SOX13: variants seen among roughly 807,000 people sequenced by gnomAD.
The protein encoded by SOX13 is SRY-box transcription factor 13.
Under a neutral mutation model 71.8 loss-of-function variants are expected in SOX13, and 28 were observed. That is an observed-to-expected ratio of 0.39 (90% CI 0.29 to 0.53). The LOEUF is 0.53. Ranked by LOEUF, SOX13 falls within the 20% of genes least tolerant of loss-of-function variation. The probability of loss-of-function intolerance (pLI) is 0.70; values close to 1 mark genes in which losing one functional copy is unlikely to be tolerated. For synonymous variants in SOX13, 309 were observed against 317.8 expected, an observed-to-expected ratio of 0.97 and a Z score of 0.29; for missense variants, 627 against 810.3, an observed-to-expected ratio of 0.77 and a Z score of 2.75.
At chr1:204,113,218 A>G (rs1656623756) in intron 2 of SOX13, 84 bp downstream of exon 2, 14 of 1,086,182 alleles carry the variant, frequency 1.3e-5, no homozygotes, top group Non-Finnish European at 1.7e-5. Context: ...CCACTCCCCT[A>G]GATGGCAGCA....
Position 204,121,925 on chromosome 1 carries a change from C to G in SOX13, c.801C>G (p.His267Gln), listed in dbSNP as rs756093114. The stretch of plus-strand genomic sequence containing the variant: ...TGGAGTATCCGCTGCAGCTGCTGCA[C>G]AGCCCCCCTGCCCCAGTGGTGAAGA... ...KPVEYPLQLLHSPPAPVVKRP... is the reference protein window; with the variant it reads ...KPVEYPLQLLQSPPAPVVKRP... Residue 267 changes from histidine to glutamine, a missense_variant, in exon 8 of 14, where the codon CAC (histidine) becomes CAG (glutamine). His to Gln is a conservative substitution (Grantham distance 24, BLOSUM62 0). Coordinates refer to ENST00000367204, the MANE Select transcript of SOX13 (RefSeq NM_005686.3). The G allele has an allele frequency of 2.8e-5, 45 of 1,612,686 alleles. No homozygotes were observed. The highest frequency in any genetic ancestry group is 2.6e-4 in the South Asian group (24 of 91,020).
At chr1:204,104,309 C>A (rs74458057) in intron 1 of SOX13, among the ~76,000 whole-genome samples, 2,492 of 152,280 alleles carry the variant, frequency 0.016, 65 homozygotes, top group African/African-American at 0.055. Flanking sequence ...GGATCTGATA[C>A]CCCCCAGGGC....
At chr1:204,093,235 G>A (rs1053245513) in intron 1 of SOX13, among the ~76,000 whole-genome samples, 1 of 152,150 alleles carries the variant, frequency 6.6e-6, no homozygotes, top group Non-Finnish European at 1.5e-5. Flanking sequence ...GTTCCCAGGT[G>A]TGACTGAAAT....
chr1:204,076,971 A>G (rs1390960827), intron 1 of SOX13, among the ~76,000 whole-genome samples: 1 of 152,238 alleles, frequency 6.6e-6, no homozygotes, highest in Non-Finnish European at 1.5e-5. Flanking sequence ...AACCAAGACT[A>G]TCAGATTATG....
At chr1:204,100,109 C>A (rs12034981) in intron 1 of SOX13, among the ~76,000 whole-genome samples, 20,141 of 152,192 alleles carry the variant, frequency 0.13, 1,528 homozygotes, top group East Asian at 0.39. Context: ...CACTGTACTC[C>A]AGCCTGGGTG....
intron 1 of SOX13, among the ~76,000 whole-genome samples, chr1:204,077,094 A>T (rs543677690): frequency 9.8e-5 from 15 of 152,366 alleles, no homozygotes; most frequent in African/African-American, 3.6e-4. Flanking sequence ...GGGAGAGGAT[A>T]GCTCAGCCCA....
chr1:204,075,115 C>T (rs1463502415), intron 1 of SOX13, among the ~76,000 whole-genome samples: 4 of 152,206 alleles, frequency 2.6e-5, no homozygotes, highest in Admixed American at 6.5e-5. Context: ...CACGACATGC[C>T]GGTTTCAAAG....
intron 1 of SOX13, among the ~76,000 whole-genome samples, chr1:204,088,294 T>G (rs1289932697): frequency 6.6e-6 from 1 of 152,060 alleles, no homozygotes; most frequent in East Asian, 1.9e-4. Flanking sequence ...GCAAAGGGGA[T>G]GCTGGTCGAT....
intron 1 of SOX13, among the ~76,000 whole-genome samples, chr1:204,085,670 G>A (rs1386503753): frequency 7.0e-6 from 1 of 143,170 alleles, no homozygotes; most frequent in Non-Finnish European, 1.6e-5. Flanking sequence ...AGCAGAAAGT[G>A]CATATTTAAA....
intron 1 of SOX13, among the ~76,000 whole-genome samples, chr1:204,097,244 CG>C (rs1170392151): frequency 1.2e-4 from 18 of 152,142 alleles, no homozygotes; most frequent in African/African-American, 3.6e-4. Flanking sequence ...ATTTCAACCA[CG>C]GGGCATGGGG....
intron 1 of SOX13, among the ~76,000 whole-genome samples, chr1:204,107,471 T>C (rs1202415199): frequency 6.6e-6 from 1 of 152,008 alleles, no homozygotes; most frequent in Non-Finnish European, 1.5e-5. Context: ...TTTCCTCCCT[T>C]ATCTAGTTGA....
Position 204,126,291 on chromosome 1 carries a change from A to G in SOX13, c.*157A>G. ...CACTTGCAGATACATTCATGAGGGGAGAGGCGCCCTCCCTTCCTGAGGAGC... is the reference window on the plus strand; with the variant it reads ...CACTTGCAGATACATTCATGAGGGGGGAGGCGCCCTCCCTTCCTGAGGAGC... On this transcript the variant is annotated 3_prime_UTR_variant, in exon 14 of 14. Transcript: ENST00000367204. 1 of 795,218 alleles carries G rather than the reference A, an allele frequency of 1.3e-6. No homozygotes were observed. Among genetic ancestry groups the G allele is most frequent in the Non-Finnish European group, 2.0e-6 (1 of 504,532 alleles). 49.3% of individuals were successfully genotyped at this position (795,218 alleles called of 1,614,324 possible). A position where few individuals can be genotyped will look rare whatever the true frequency, so the allele number is the denominator to read the frequency against.
rs1321338744 is a variant in SOX13, at chr1:204,114,448, TAGTTAGAAGC to T, written c.331+19_331+28del. 1 of 1,606,350 alleles carries T rather than the reference TAGTTAGAAGC, an allele frequency of 6.2e-7. No homozygotes were observed. Among genetic ancestry groups the T allele is most frequent in the Non-Finnish European group, 8.5e-7 (1 of 1,173,112 alleles). On this transcript the variant is annotated intron_variant, in intron 3 of 13. Transcript: ENST00000367204. ...TTGAAAGAAGGTAGGATGTCTGCCC[TAGTTAGAAGC>T]AGAGGCCTGAGGCAGGGAGGTGTTA...
At chr1:204,121,797 G>A (rs1656810310) in intron 7 of SOX13, 103 bp from the exon 8 acceptor site, 3 of 816,644 alleles carry the variant, frequency 3.7e-6, no homozygotes, top group Non-Finnish European at 2.1e-6. Context: ...AGCTGGTCCA[G>A]TGCCGAGCCA....
chr1:204,083,404 C>G (rs545933553), intron 1 of SOX13, among the ~76,000 whole-genome samples: 14 of 152,288 alleles, frequency 9.2e-5, no homozygotes, highest in Admixed American at 9.2e-4. Context: ...ACCCCTGCCC[C>G]AGGCCCTTCT....
intron 1 of SOX13, among the ~76,000 whole-genome samples, chr1:204,082,067 G>A (rs968330912): frequency 6.6e-6 from 1 of 151,474 alleles, no homozygotes; most frequent in Non-Finnish European, 1.5e-5. Flanking sequence ...TTGGCTGGTG[G>A]TGGGGTGTGT....
intron 6 of SOX13, 47 bp from the exon 7 acceptor site, chr1:204,117,546 A>T: frequency 8.2e-7 from 1 of 1,217,402 alleles, no homozygotes; most frequent in Non-Finnish European, 1.2e-6. Flanking sequence ...ATAGCTGGGT[A>T]GCTCTTTGGG....
intron 1 of SOX13, among the ~76,000 whole-genome samples, chr1:204,095,090 G>A (rs995050715): frequency 6.6e-6 from 1 of 152,170 alleles, no homozygotes; most frequent in Non-Finnish European, 1.5e-5. Flanking sequence ...AGGGCATCAG[G>A]AGTAAACCTC....
At chr1:204,115,227 C>G (rs533159157) in intron 4 of SOX13, among the ~76,000 whole-genome samples, 26 of 151,234 alleles carry the variant, frequency 1.7e-4, no homozygotes, top group Non-Finnish European at 3.5e-4. Flanking sequence ...AGGCTGGTCT[C>G]GAACCCCTGG....
Sources: allele counts gnomAD v4.1 joint callset (sites outside exome capture counted in the v4.1 genomes callset), GRCh38; gene constraint gnomAD v4.1.1; transcripts MANE v1.5; gene names NCBI Gene and HGNC (gene_info 2026-07-23, HGNC 2026-07-21).